Variants in SNTG1 observed in about 807,000 individuals in gnomAD.
SNTG1 encodes the protein gamma-1-syntrophin.
Under a neutral mutation model 74.7 loss-of-function variants are expected in SNTG1, and 39 were observed. That is an observed-to-expected ratio of 0.52 (90% CI 0.40 to 0.68). SNTG1 has a LOEUF of 0.68. Ranked by LOEUF, SNTG1 falls within the 30% of genes least tolerant of loss-of-function variation. The pLI is 0.00. For missense variants in SNTG1, 685 were observed against 609.5 expected, an observed-to-expected ratio of 1.12 and a Z score of -1.30; for synonymous variants, 254 against 217.1, an observed-to-expected ratio of 1.17 and a Z score of -1.49.
chr8:50,252,980 C>T (rs2129927273), intron 2 of SNTG1, among the ~76,000 whole-genome samples: 1 of 152,260 alleles, frequency 6.6e-6, no homozygotes, highest in South Asian at 2.1e-4. Flanking sequence ...CAATAAGATA[C>T]ACCCTCAATC....
rs539189865 is a variant in SNTG1, at chr8:50,313,439, TA to T, written c.-27-80772del. 5.4e-5 allele frequency among the ~76,000 whole-genome samples: 8 copies of T among 149,402 alleles called. 1 individual carries two copies. In the South Asian group the frequency reaches 1.8e-3, roughly 33 times the overall value. On this transcript the variant is annotated intron_variant, in intron 2 of 18. Coordinates refer to ENST00000642720, the MANE Select transcript of SNTG1 (RefSeq NM_018967.5). Reference sequence around the variant, plus strand: ...GCTGATAAGGGGTTAATATTCAAAATATGGCAGGAATTCAACTCCATAGCAG... The same window carrying T: ...GCTGATAAGGGGTTAATATTCAAAATTGGCAGGAATTCAACTCCATAGCAG...
chr8:50,236,828 C>A (rs1440937336), intron 2 of SNTG1, among the ~76,000 whole-genome samples: 1 of 152,156 alleles, frequency 6.6e-6, no homozygotes, highest in Non-Finnish European at 1.5e-5. Context: ...TACACAGCTT[C>A]AAGAAATGTC....
intron 13 of SNTG1, among the ~76,000 whole-genome samples, chr8:50,656,501 T>C (rs2095182153): frequency 6.6e-6 from 1 of 152,174 alleles, no homozygotes; most frequent in Admixed American, 6.5e-5. Context: ...TTGCTTTCTT[T>C]ACTCACTTCA....
chr8:50,396,418 G>A (rs548349093), intron 3 of SNTG1, among the ~76,000 whole-genome samples: 28 of 152,140 alleles, frequency 1.8e-4, no homozygotes, highest in Non-Finnish European at 2.9e-4. Flanking sequence ...GCCAGGACTC[G>A]AATAATGGCT....
intron 2 of SNTG1, among the ~76,000 whole-genome samples, chr8:50,341,218 C>T (rs1400268008): frequency 6.6e-6 from 1 of 151,802 alleles, no homozygotes; most frequent in Admixed American, 6.6e-5. Context: ...AAATATTTAA[C>T]CCAGTACTCC....
chr8:50,148,867 A>G (rs2081966106), intron 1 of SNTG1, among the ~76,000 whole-genome samples: 1 of 152,216 alleles, frequency 6.6e-6, no homozygotes. Flanking sequence ...ATACGTGTGC[A>G]TGTGCCTTGA....
intron 2 of SNTG1, among the ~76,000 whole-genome samples, chr8:50,219,156 C>A (rs1272715254): frequency 1.3e-5 from 2 of 152,186 alleles, no homozygotes; most frequent in African/African-American, 4.8e-5. Flanking sequence ...TTTAATAAAG[C>A]ATTTCCAATG....
chr8:50,455,609 T>A (rs1368519111), intron 8 of SNTG1, among the ~76,000 whole-genome samples: 5 of 152,228 alleles, frequency 3.3e-5, no homozygotes, highest in Admixed American at 3.3e-4. Flanking sequence ...GATATATGCC[T>A]AAGTCAATTT....
At chr8:50,571,477 A>G (rs1213027240) in intron 12 of SNTG1, among the ~76,000 whole-genome samples, 1 of 152,226 alleles carries the variant, frequency 6.6e-6, no homozygotes, top group African/African-American at 2.4e-5. Flanking sequence ...CAGTGATGGC[A>G]CAGGCCCCAG....
At chr8:50,200,254 G>A (rs946832889) in intron 2 of SNTG1, among the ~76,000 whole-genome samples, 10 of 152,114 alleles carry the variant, frequency 6.6e-5, no homozygotes, top group African/African-American at 1.9e-4. Flanking sequence ...AATTTTCCAA[G>A]GGTCGCATTG....
chr8:50,661,272 G>A (rs1381214232), intron 15 of SNTG1, among the ~76,000 whole-genome samples: 3 of 152,130 alleles, frequency 2.0e-5, no homozygotes, highest in Non-Finnish European at 2.9e-5. Flanking sequence ...AGGAAGGACT[G>A]ATATTTGCTC....
intron 2 of SNTG1, chr8:50,286,837 T>C (rs978385366): frequency 3.3e-5 from 5 of 152,194 alleles, no homozygotes; most frequent in African/African-American, 1.2e-4. Context: ...CAGAATATTT[T>C]TCAAGCCATA....
chr8:50,695,487 C>CTGAT (rs1554614719), intron 15 of SNTG1, among the ~76,000 whole-genome samples: 1 of 149,442 alleles, frequency 6.7e-6, no homozygotes, highest in African/African-American at 2.5e-5. Flanking sequence ...TTTTTTATTT[C>CTGAT]TTATTTATTT....
intron 11 of SNTG1, among the ~76,000 whole-genome samples, chr8:50,550,098 A>G (rs2094415395): frequency 6.6e-6 from 1 of 152,160 alleles, no homozygotes; most frequent in Admixed American, 6.6e-5. Context: ...AGTTTATTTC[A>G]GTTTCATATC....
At chr8:50,221,285 G>A (rs901649371) in intron 2 of SNTG1, among the ~76,000 whole-genome samples, 1 of 151,942 alleles carries the variant, frequency 6.6e-6, no homozygotes, top group African/African-American at 2.4e-5. Flanking sequence ...GGAAATGCAA[G>A]ACTTAAAATT....
Position 50,155,682 on chromosome 8 carries a change from A to G in SNTG1, c.-102-16879A>G, listed in dbSNP as rs561108349. Among the ~76,000 whole-genome samples, 348 of 152,158 alleles carry G rather than the reference A, an allele frequency of 2.3e-3. 1 individual carries two copies. The highest frequency in any genetic ancestry group is 5.9e-3 in the Admixed American group (90 of 15,282). On this transcript the variant is annotated intron_variant, in intron 1 of 18. Coordinates refer to ENST00000642720, the MANE Select transcript of SNTG1 (RefSeq NM_018967.5). ...AGATGAAGCTTAGAGGGAAATGTATAGCCTTAATTTTTTATATTAGAAAGA... is the reference window on the plus strand; with the variant it reads ...AGATGAAGCTTAGAGGGAAATGTATGGCCTTAATTTTTTATATTAGAAAGA...
At chr8:50,650,540 T>A (rs2095138559) in intron 13 of SNTG1, among the ~76,000 whole-genome samples, 1 of 152,144 alleles carries the variant, frequency 6.6e-6, no homozygotes, top group Non-Finnish European at 1.5e-5. Context: ...AAACAATTAG[T>A]AGAAATTAAA....
chr8:50,294,014 A>T (rs2089249291), intron 2 of SNTG1, among the ~76,000 whole-genome samples: 1 of 152,226 alleles, frequency 6.6e-6, no homozygotes, highest in Admixed American at 6.5e-5. Flanking sequence ...CTAAACAATG[A>T]TGATAAATTA....
At chr8:50,429,612 C>A (rs1363066446) in intron 4 of SNTG1, among the ~76,000 whole-genome samples, 2 of 151,910 alleles carry the variant, frequency 1.3e-5, no homozygotes, top group African/African-American at 2.4e-5. Flanking sequence ...GCAAATTACA[C>A]AAAACACAGA....
Sources: gnomAD v4.1 joint callset for allele counts (sites outside exome capture counted in the v4.1 genomes callset) on GRCh38, gnomAD v4.1.1 for gene constraint, MANE v1.5 for transcripts, NCBI Gene and HGNC (gene_info 2026-07-23, HGNC 2026-07-21) for gene names.